The following GPM6A variants were observed in gnomAD, a reference collection of about 807,000 sequenced individuals.
GPM6A encodes neuronal membrane glycoprotein M6-a.
GPM6A carries 7 observed loss-of-function variants against 32.1 expected under a neutral mutation model. The ratio of observed to expected loss-of-function variants is 0.22; its 90% CI spans 0.12 to 0.41. GPM6A has a LOEUF of 0.41. Among genes scored for constraint, GPM6A ranks in the 10% least tolerant of loss-of-function variants. The pLI, the probability that GPM6A is intolerant of heterozygous loss-of-function variation, is 1.00. For missense variants in GPM6A, 235 were observed against 347.2 expected (o/e 0.68, Z 2.57); for synonymous variants, 130 against 123.4 (o/e 1.05, Z -0.35).
rs959404912 is a variant in GPM6A at position 175,663,457 on chromosome 4, T to C, written c.387+10223A>G. 1.2e-4 allele frequency among the ~76,000 whole-genome samples: 19 copies of C among 152,192 alleles called. 1 individual carries two copies. The highest frequency in any genetic ancestry group is 4.1e-4 in the African/African-American group (17 of 41,448). On this transcript the variant is annotated intron_variant, in intron 3 of 6. Coordinates refer to ENST00000393658, the MANE Select transcript of GPM6A (RefSeq NM_201591.3). The stretch of plus-strand genomic sequence containing the variant: ...AAGGAATAAGTTAAGAGGTCTATTG[T>C]ACAACATGGTCGCTATAGTTAATAA...
intron 3 of GPM6A, among the ~76,000 whole-genome samples, chr4:175,653,157 T>C (rs1489751627): frequency 6.6e-6 from 1 of 152,026 alleles, no homozygotes. Flanking sequence ...TTTTGCAAAA[T>C]AGTAAAATGG....
intron 1 of GPM6A, among the ~76,000 whole-genome samples, chr4:175,953,567 G>A (rs1002493214): frequency 4.6e-5 from 7 of 152,058 alleles, no homozygotes; most frequent in African/African-American, 1.7e-4. Flanking sequence ...ACACAACTTT[G>A]AGTTCTGCAG....
intron 1 of GPM6A, among the ~76,000 whole-genome samples, chr4:175,963,338 A>C (rs997697436): frequency 2.0e-5 from 3 of 152,264 alleles, no homozygotes; most frequent in East Asian, 3.9e-4. Context: ...TAAATACAAA[A>C]CAAAATAAAA....
At chr4:175,972,452 G>A (rs7661904) in intron 1 of GPM6A, among the ~76,000 whole-genome samples, 21,990 of 152,114 alleles carry the variant, frequency 0.14, 2,057 homozygotes, top group Non-Finnish European at 0.2. Flanking sequence ...AAATGCAAGC[G>A]TTTTCACTTG....
intron 1 of GPM6A, among the ~76,000 whole-genome samples, chr4:175,967,831 T>C (rs1740374259): frequency 6.6e-6 from 1 of 152,210 alleles, no homozygotes; most frequent in Non-Finnish European, 1.5e-5. Context: ...TGTCAAGATG[T>C]CAGTTCTTCC....
At chr4:175,762,672 G>A (rs1163680228) in intron 1 of GPM6A, among the ~76,000 whole-genome samples, 1 of 152,162 alleles carries the variant, frequency 6.6e-6, no homozygotes, top group Non-Finnish European at 1.5e-5. Context: ...GTGATTCCCA[G>A]TGGGTAAACA....
At chr4:175,749,100 C>A (rs1395975177) in intron 1 of GPM6A, among the ~76,000 whole-genome samples, 1 of 152,046 alleles carries the variant, frequency 6.6e-6, no homozygotes, top group Non-Finnish European at 1.5e-5. Context: ...GCAGTGAGAA[C>A]ACATACAACT....
intron 1 of GPM6A, among the ~76,000 whole-genome samples, chr4:175,944,593 C>T (rs377602161): frequency 2.0e-5 from 3 of 152,302 alleles, no homozygotes; most frequent in South Asian, 2.1e-4. Context: ...GAGCATACAG[C>T]TCTTAACAGT....
At chr4:175,706,852 C>T (rs1218121006) in intron 1 of GPM6A, among the ~76,000 whole-genome samples, 1 of 152,122 alleles carries the variant, frequency 6.6e-6, no homozygotes, top group Non-Finnish European at 1.5e-5. Context: ...AGTAAAGAAG[C>T]CAGCTAAAAC....
chr4:175,897,098 A>C (rs1737818233), intron 1 of GPM6A, among the ~76,000 whole-genome samples: 1 of 152,200 alleles, frequency 6.6e-6, no homozygotes, highest in Non-Finnish European at 1.5e-5. Flanking sequence ...AATAGGGGAC[A>C]GAAGAGCCAA....
intron 1 of GPM6A, among the ~76,000 whole-genome samples, chr4:175,702,755 C>T (rs1408214622): frequency 6.6e-6 from 1 of 152,042 alleles, no homozygotes; most frequent in Non-Finnish European, 1.5e-5. Flanking sequence ...GACCTCAAAA[C>T]TCAGTGAACT....
intron 1 of GPM6A, among the ~76,000 whole-genome samples, chr4:175,755,494 G>A (rs1050704818): frequency 1.3e-5 from 2 of 152,046 alleles, no homozygotes; most frequent in Non-Finnish European, 2.9e-5. Context: ...ATATTTTCAA[G>A]AATTAAGGTT....
Position 175,859,314 on chromosome 4 carries a change from A to T in GPM6A, c.-22-47065T>A, listed in dbSNP as rs377422685. Among the ~76,000 whole-genome samples, 9 of 152,320 alleles carry T rather than the reference A, an allele frequency of 5.9e-5. No individual in the cohort carries two copies. The East Asian group carries it at 1.7e-3, about 29-fold the overall frequency. On this transcript the variant is annotated intron_variant, in intron 1 of 7. Coordinates refer to the GPM6A transcript ENST00000280187. The stretch of plus-strand genomic sequence containing the variant: ...TAAAAAAGAAATCCAAAGAAATTTA[A>T]GTTAAACCTGCAAAAACTTCAGAGG...
intron 1 of GPM6A, among the ~76,000 whole-genome samples, chr4:175,789,204 T>C (rs1392720692): frequency 6.6e-6 from 1 of 152,210 alleles, no homozygotes; most frequent in Non-Finnish European, 1.5e-5. Flanking sequence ...TAATGAATAA[T>C]GATTTTTAAA....
chr4:175,640,131 T>C lies in GPM6A; in HGVS notation c.682A>G (p.Met228Val). 1 of 1,611,978 alleles carries C rather than the reference T, an allele frequency of 6.2e-7. No homozygotes were observed. The highest frequency in any genetic ancestry group is 8.5e-7 in the Non-Finnish European group (1 of 1,178,048). ...GCACCAGCGCTTTGAGGTCTTACCA[T>C]AGCAATGACTGCTGCCCCAGCTCCA... ...LAGAGAAVIA[M>V]VHYLMVLSAN... The change falls in exon 6 of 7, where the codon ATG (methionine) becomes GTG (valine). Residue 228 changes from methionine to valine, a missense_variant and splice_region_variant. Coordinates refer to ENST00000393658, the MANE Select transcript of GPM6A (RefSeq NM_201591.3).
At chr4:175,799,786 T>C (rs1329144406) in intron 1 of GPM6A, among the ~76,000 whole-genome samples, 1 of 143,122 alleles carries the variant, frequency 7.0e-6, no homozygotes, top group African/African-American at 2.5e-5. Flanking sequence ...GCCATTCTCC[T>C]GCCTCAGCCT....
chr4:175,819,652 G>T (rs888171428), intron 1 of GPM6A, among the ~76,000 whole-genome samples: 1 of 152,070 alleles, frequency 6.6e-6, no homozygotes, highest in African/African-American at 2.4e-5. Context: ...CAAGTAACAG[G>T]GTGGGGAAGA....
intron 1 of GPM6A, among the ~76,000 whole-genome samples, chr4:175,713,438 G>C (rs1745663569): frequency 1.3e-5 from 2 of 152,086 alleles, no homozygotes. Flanking sequence ...TGATCCGCCT[G>C]TCTCAGCCTC....
intron 1 of GPM6A, among the ~76,000 whole-genome samples, chr4:175,982,636 TTTGA>T (rs1287127046): frequency 6.6e-6 from 1 of 152,162 alleles, no homozygotes. Context: ...GCCACACAGT[TTTGA>T]TTATGATGGC....
Sources: gnomAD v4.1 joint callset for allele counts (sites outside exome capture counted in the v4.1 genomes callset) on GRCh38, gnomAD v4.1.1 for gene constraint, MANE v1.5 for transcripts, NCBI Gene and HGNC (gene_info 2026-07-23, HGNC 2026-07-21) for gene names.